RNFT1: variants seen among roughly 807,000 people sequenced by gnomAD.
The protein encoded by RNFT1 is E3 ubiquitin-protein ligase RNFT1.
RNFT1 carries 35 observed loss-of-function variants against 53.2 expected under a neutral mutation model. The observed-to-expected ratio is 0.66, with a 90% CI of 0.50 to 0.87. The LOEUF is 0.87. RNFT1 is among the 40% of genes least tolerant of loss of function. RNFT1 has a pLI of 0.00. For synonymous variants in RNFT1, 141 were observed against 172.8 expected (o/e 0.82, Z 1.44); for missense variants, 421 against 515.0 (o/e 0.82, Z 1.77).
At chr17:59,962,336 A>G in intron 3 of RNFT1, 1 of 468,674 alleles carries the variant, frequency 2.1e-6, no homozygotes, top group Non-Finnish European at 3.8e-6. Context: ...TTTTCTTACA[A>G]AGAAGGTAAG....
Position 59,963,000 on chromosome 17 carries a change from C to T in RNFT1, c.341G>A (p.Arg114His), listed in dbSNP as rs755957295. The T allele has an allele frequency of 2.9e-5, 47 of 1,614,076 alleles. No individual in the cohort carries two copies. Among genetic ancestry groups the T allele is most frequent in the Non-Finnish European group, 1.5e-5 (18 of 1,180,046 alleles). The change falls in exon 2 of 9, where the codon CGC (arginine) becomes CAC (histidine). Residue 114 changes from arginine (R) to histidine (H), a missense_variant. By Grantham distance (29) the Arg-to-His change is conservative (BLOSUM62 0). Coordinates refer to ENST00000305783, the MANE Select transcript of RNFT1 (RefSeq NM_016125.4). The part of the protein sequence containing the change: ...HSCAHGCVHS[R>H]LRGHSHSEAR... ...TTCACTGTGGGAGTGACCCCGTAAG[C>T]GACTGTGTACACATCCATGGGCACA...
rs369629097 is a variant in RNFT1 at position 59,956,457 on chromosome 17, G to T, written c.1071+31C>A. On this transcript the variant is annotated intron_variant, in intron 7 of 8. Transcript: ENST00000305783. Reference sequence around the variant, plus strand: ...ATTTTTGCAGTGAAGAAAGGTGAAGGTGTTTTTCTTAACTGATAAAAAGTA... The same window carrying T: ...ATTTTTGCAGTGAAGAAAGGTGAAGTTGTTTTTCTTAACTGATAAAAAGTA... The T allele has an allele frequency of 2.3e-5, 34 of 1,493,778 alleles. No homozygotes were observed. In the African/African-American group the frequency reaches 4.6e-4, roughly 20 times the overall value. The allele number at this position is 1,493,778 out of a possible 1,614,324, so 92.5% of individuals were successfully genotyped here. A position where few individuals can be genotyped will look rare whatever the true frequency, so the allele number is the denominator to read the frequency against.
intron 4 of RNFT1, chr17:59,959,825 G>C: frequency 4.5e-6 from 1 of 220,408 alleles, no homozygotes; most frequent in Non-Finnish European, 9.2e-6. Context: ...CGGGAGAATT[G>C]CTTGAACCTG....
At chr17:59,961,934 G>A (rs1032058556) in intron 3 of RNFT1, among the ~76,000 whole-genome samples, 1 of 129,694 alleles carries the variant, frequency 7.7e-6, no homozygotes, top group Non-Finnish European at 1.5e-5. Context: ...AGCCCACGCT[G>A]GAGTGCAGTG....
chr17:59,959,913 AAG>A, intron 4 of RNFT1, 153 bp downstream of exon 4: 1 of 744,668 alleles, frequency 1.3e-6, no homozygotes, highest in Non-Finnish European at 1.9e-6. Flanking sequence ...CCGTCTCAAA[AAG>A]AAAAAAAAAA....
Position 59,962,585 on chromosome 17 carries a change from AGTT to A in RNFT1, c.543_545del (p.Thr182del), listed in dbSNP as rs1345124616. 6.2e-7 allele frequency: 1 copy of A among 1,606,098 alleles called. No individual in the cohort carries two copies. The highest frequency in any genetic ancestry group is 1.3e-5 in the African/African-American group (1 of 74,646). ...CAATGCTTTTGTTTGCATACATAAA[AGTT>A]GTTAGCAGCCCAATTCCAAGAGAAA... is the stretch of plus-strand genomic sequence containing the variant. On this transcript the variant is annotated inframe_deletion, in exon 3 of 9. Transcript: ENST00000305783.
intron 4 of RNFT1, chr17:59,958,735 TCTG>T: frequency 2.1e-6 from 1 of 468,982 alleles, no homozygotes; most frequent in Non-Finnish European, 4.1e-6. Flanking sequence ...ATACCAGACA[TCTG>T]CTGTGTTTTT....
In RNFT1 at chr17:59,953,038, A is replaced by G. The variant is rs768597776; in HGVS notation, c.1247T>C (p.Ile416Thr). 6.2e-7 allele frequency: 1 copy of G among 1,613,348 alleles called. No homozygotes were observed. Among genetic ancestry groups the G allele is most frequent in the Non-Finnish European group, 8.5e-7 (1 of 1,179,384 alleles). ...CTTCCATTTGTTTATATGGTCTGAA[A>G]TCACAGTTCTGCAGAGTGGACATGT... ...EKTCPLCRTV[I>T]SDHINKWKDG... The change falls in exon 9 of 9, where the codon ATT becomes ACT. Residue 416 changes from isoleucine to threonine, a missense_variant. Ile to Thr is a moderately conservative substitution (Grantham distance 89). Coordinates refer to ENST00000305783, the MANE Select transcript of RNFT1 (RefSeq NM_016125.4).
At position 59,958,307 on chromosome 17, in the gene RNFT1, A is replaced by T. The variant is rs1267717751; in HGVS notation, c.830T>A (p.Met277Lys). 3 of 1,593,362 alleles carry T rather than the reference A, an allele frequency of 1.9e-6. No homozygotes were observed. The highest frequency in any genetic ancestry group is 1.4e-5 in the African/African-American group (1 of 73,618). The change falls in exon 5 of 9, where the codon ATG becomes AAG. Residue 277 changes from methionine to lysine, a missense_variant. Physicochemically the swap from Met to Lys is moderately conservative, Grantham distance 95 (BLOSUM62 -1). Transcript: ENST00000305783. ...GTTTCTTACCTTAGATTTAAAAGGC[A>T]TGATGAAAGAAGGCACCAATAAAAT... The part of the protein sequence containing the change: ...CLILLVPSFI[M>K]PFKSKGYWYM...
chr17:59,957,246 G>C lies in RNFT1; in HGVS notation c.983C>G (p.Ala328Gly). 1 of 1,613,192 alleles carries C rather than the reference G, an allele frequency of 6.2e-7. No individual in the cohort carries two copies. Among genetic ancestry groups the C allele is most frequent in the Non-Finnish European group, 8.5e-7 (1 of 1,179,712 alleles). The change falls in exon 6 of 9, where the codon GCT (alanine) becomes GGT (glycine). Residue 328 changes from alanine (A) to glycine (G), a missense_variant. Ala to Gly is a moderately conservative substitution (Grantham distance 60). Transcript: ENST00000305783. ...TACTTTTAATATGAGGTAGAGTAAAGCCAGCAGTATCCCAAGACTCCATCT... is the reference window on the plus strand; with the variant it reads ...TACTTTTAATATGAGGTAGAGTAAACCCAGCAGTATCCCAAGACTCCATCT... ...VTRWSLGILL[A>G]LLYLILKLLE...
At position 59,963,274 on chromosome 17, in the gene RNFT1, G is replaced by T; in HGVS notation, c.67C>A (p.Pro23Thr). The change falls in exon 2 of 9, where the codon CCT becomes ACT. Residue 23 changes from proline to threonine, a missense_variant. Coordinates refer to ENST00000305783, the MANE Select transcript of RNFT1 (RefSeq NM_016125.4). ...TCTGACCCAGATGTCTTTGCTTCAG[G>T]CCTCTGTCTCCTAAAAAATCAAATA... ...SASGHERRQR[P>T]EAKTSGSEKK... The T allele has an allele frequency of 1.2e-6, 2 of 1,602,166 alleles. No individual in the cohort carries two copies. Among genetic ancestry groups the T allele is most frequent in the Non-Finnish European group, 8.5e-7 (1 of 1,173,582 alleles).
intron 3 of RNFT1, among the ~76,000 whole-genome samples, chr17:59,961,314 A>T (rs2045290456): frequency 6.6e-6 from 1 of 152,178 alleles, no homozygotes; most frequent in South Asian, 2.1e-4. Context: ...CTGAGATTAC[A>T]GGCATGAGCC....
rs766646042 is a variant in RNFT1 at position 59,964,700 on chromosome 17, G to A, written c.-37C>T. On this transcript the variant is annotated 5_prime_UTR_variant, in exon 1 of 9. Transcript: ENST00000305783. ...AGCCCTTCAGTCGGGGCCATCAACCGCAAACCCCGCAAGCTCTTCTCTCAG... is the reference window on the plus strand; with the variant it reads ...AGCCCTTCAGTCGGGGCCATCAACCACAAACCCCGCAAGCTCTTCTCTCAG... The A allele has an allele frequency of 3.1e-5, 49 of 1,568,768 alleles. No individual in the cohort carries two copies. The South Asian group carries it at 4.0e-4, about 13-fold the overall frequency.
intron 1 of RNFT1, among the ~76,000 whole-genome samples, chr17:59,963,729 AG>A (rs1245176120): frequency 1.3e-5 from 2 of 151,144 alleles, no homozygotes; most frequent in Non-Finnish European, 2.9e-5. Context: ...TGGAAATGTT[AG>A]GAAAAAAAAC....
chr17:59,958,346 C>T lies in RNFT1; in HGVS notation c.791G>A (p.Gly264Asp), dbSNP rs752890788. The change falls in exon 5 of 9, where the codon GGC becomes GAC. Residue 264 changes from glycine to aspartate, a missense_variant. Physicochemically the swap from Gly to Asp is moderately conservative, Grantham distance 94. Coordinates refer to ENST00000305783, the MANE Select transcript of RNFT1 (RefSeq NM_016125.4). ...TDFILKFFFM[G>D]LKCLILLVPS... The stretch of plus-strand genomic sequence containing the variant: ...CACCAATAAAATAAGGCATTTTAAG[C>T]CCATGAAAAAGAATTTCAGAATGAA... The T allele has an allele frequency of 3.7e-6, 6 of 1,602,578 alleles. No homozygotes were observed. Among genetic ancestry groups the T allele is most frequent in the East Asian group, 2.2e-5 (1 of 44,526 alleles).
chr17:59,963,008 T>G lies in RNFT1; in HGVS notation c.333A>C (p.Val111=), dbSNP rs115039364. ...GGGAGTGACCCCGTAAGCGACTGTG[T>G]ACACATCCATGGGCACAGCTATGGA... ...SGVHSCAHGC[V]HSRLRGHSHS... Residue 111 remains valine, a synonymous_variant, in exon 2 of 9, where the codon GTA becomes GTC. Coordinates refer to ENST00000305783, the MANE Select transcript of RNFT1 (RefSeq NM_016125.4). 9.4e-5 allele frequency: 151 copies of G among 1,614,266 alleles called. No homozygotes were observed. The African/African-American group carries it at 1.9e-3, about 20-fold the overall frequency.
chr17:59,953,601 A>C (rs1188638237), intron 8 of RNFT1, among the ~76,000 whole-genome samples: 1 of 152,210 alleles, frequency 6.6e-6, no homozygotes, highest in Non-Finnish European at 1.5e-5. Flanking sequence ...TGATTGGTAG[A>C]GCCACTAGTG....
At chr17:59,960,474 A>T (rs1244414341) in intron 3 of RNFT1, among the ~76,000 whole-genome samples, 5 of 105,888 alleles carry the variant, frequency 4.7e-5, no homozygotes, top group East Asian at 2.6e-4. Context: ...AAATTAAATT[A>T]AAAAAAAAAA....
intron 1 of RNFT1, 138 bp downstream of exon 1, chr17:59,964,470 T>C: frequency 1.5e-6 from 1 of 668,982 alleles, no homozygotes. Flanking sequence ...GGGAAGAAAA[T>C]TCAACACAAC....
Sources: gnomAD v4.1 joint callset for allele counts (sites outside exome capture counted in the v4.1 genomes callset) on GRCh38, gnomAD v4.1.1 for gene constraint, MANE v1.5 for transcripts, NCBI Gene and HGNC (gene_info 2026-07-23, HGNC 2026-07-21) for gene names.